Variants in ANO3 observed in about 807,000 individuals in gnomAD.
ANO3 encodes anoctamin 3.
A neutral mutation model predicts 144.8 loss-of-function variants in ANO3; 99 were observed. The observed-to-expected ratio is 0.68, with a 90% CI of 0.58 to 0.81. The LOEUF (loss-of-function observed/expected upper bound fraction) is 0.81, where lower values mean the gene tolerates loss of function less well. Among genes scored for constraint, ANO3 ranks in the 30% least tolerant of loss-of-function variants. ANO3 has a pLI of 0.00. For synonymous variants in ANO3, 414 were observed against 392.6 expected, an observed-to-expected ratio of 1.05 and a Z score of -0.64; for missense variants, 905 against 1,202.2, an observed-to-expected ratio of 0.75 and a Z score of 3.66.
chr11:26,231,344 T>C (rs1244299649), intron 1 of ANO3, among the ~76,000 whole-genome samples: 2 of 152,172 alleles, frequency 1.3e-5, no homozygotes, highest in East Asian at 1.9e-4. Context: ...GTGAGAACTA[T>C]ACTTAAATGA....
chr11:26,426,958 AAGC>A (rs1857938003), intron 1 of ANO3: 1 of 152,278 alleles, frequency 6.6e-6, no homozygotes, highest in Non-Finnish European at 1.5e-5. Context: ...CCTTGAAGTA[AAGC>A]AGTCTGTGTA....
intron 1 of ANO3, among the ~76,000 whole-genome samples, chr11:26,254,593 T>C (rs1853012564): frequency 6.6e-6 from 1 of 152,200 alleles, no homozygotes; most frequent in Non-Finnish European, 1.5e-5. Context: ...AGAATTCCAC[T>C]ACGCTTATGC....
chr11:26,392,915 G>A (rs1243868547), intron 1 of ANO3, among the ~76,000 whole-genome samples: 1 of 152,062 alleles, frequency 6.6e-6, no homozygotes, highest in African/African-American at 2.4e-5. Flanking sequence ...AATGGTACTT[G>A]GGTAAATGGA....
chr11:26,253,079 C>T (rs12225305), intron 1 of ANO3, among the ~76,000 whole-genome samples: 2,782 of 152,262 alleles, frequency 0.018, 68 homozygotes, highest in East Asian at 0.12. Context: ...ACAATAATGA[C>T]TGCCATGTCC....
At chr11:26,413,387 G>GAA (rs1857484940) in intron 1 of ANO3, among the ~76,000 whole-genome samples, 1 of 151,922 alleles carries the variant, frequency 6.6e-6, no homozygotes, top group African/African-American at 2.4e-5. Flanking sequence ...TGAAGGTAAG[G>GAA]ATGCCATGCA....
intron 1 of ANO3, among the ~76,000 whole-genome samples, chr11:26,266,360 C>T (rs545415793): frequency 5.9e-5 from 9 of 151,822 alleles, no homozygotes; most frequent in African/African-American, 1.9e-4. Context: ...ATATGGCAAA[C>T]GATCCATGTA....
chr11:26,189,319 C>T, exon 1 of ANO3: 5 of 985,300 alleles, frequency 5.1e-6, no homozygotes, highest in Non-Finnish European at 6.0e-6. Flanking sequence ...CACTCCAGTT[C>T]TGTCCCGACT....
rs200454730 is a variant in ANO3, at chr11:26,656,105, A to T, written c.2577-20A>T. 1.9e-6 allele frequency: 3 copies of T among 1,571,972 alleles called. No individual in the cohort carries two copies. The highest frequency in any genetic ancestry group is 2.2e-5 in the East Asian group (1 of 44,648). On this transcript the variant is annotated intron_variant, in intron 24 of 26. Coordinates refer to ENST00000256737, the MANE Select transcript of ANO3 (RefSeq NM_031418.4). ...AACGTATGAATCTTTGAATCACATGATATTTTTCTTTTCTCCCAGTTGCTT... is the reference window on the plus strand; with the variant it reads ...AACGTATGAATCTTTGAATCACATGTTATTTTTCTTTTCTCCCAGTTGCTT...
At chr11:26,466,923 CA>C (rs1208904203) in intron 4 of ANO3, among the ~76,000 whole-genome samples, 1 of 151,958 alleles carries the variant, frequency 6.6e-6, no homozygotes, top group Non-Finnish European at 1.5e-5. Flanking sequence ...AGCATATTCA[CA>C]GCATGCATTT....
chr11:26,384,386 C>T (rs1363542288), intron 1 of ANO3, among the ~76,000 whole-genome samples: 3 of 152,080 alleles, frequency 2.0e-5, no homozygotes, highest in African/African-American at 7.2e-5. Flanking sequence ...GCTGACAGTA[C>T]ATGGAGAAGT....
intron 4 of ANO3, among the ~76,000 whole-genome samples, chr11:26,465,140 GTGTGTGTGTGTGTGTGTGTGTC>G (rs1274235017): frequency 1.3e-5 from 2 of 148,514 alleles, no homozygotes; most frequent in African/African-American, 2.6e-5. Flanking sequence ...GTGTGTGTGT[GTGTGTGTGTGTGTGTGTGTGTC>G]TGTGTGTGAA....
At chr11:26,222,364 C>G (rs1270509762) in intron 1 of ANO3, among the ~76,000 whole-genome samples, 1 of 152,218 alleles carries the variant, frequency 6.6e-6, no homozygotes, top group East Asian at 1.9e-4. Flanking sequence ...CAGGGTGCAG[C>G]CCCCATGGAT....
intron 1 of ANO3, among the ~76,000 whole-genome samples, chr11:26,264,957 G>T (rs189740952): frequency 2.6e-4 from 39 of 151,794 alleles, no homozygotes; most frequent in African/African-American, 9.4e-4. Flanking sequence ...TACAGTAAAT[G>T]AATTTTCTTT....
Position 26,599,700 on chromosome 11 carries a change from A to G in ANO3, c.1822A>G (p.Met608Val). 1 of 1,613,886 alleles carries G rather than the reference A, an allele frequency of 6.2e-7. No homozygotes were observed. The highest frequency in any genetic ancestry group is 8.5e-7 in the Non-Finnish European group (1 of 1,179,892). Residue 608 changes from methionine to valine, a missense_variant, in exon 17 of 27, where the codon ATG (methionine) becomes GTG (valine). Coordinates refer to ENST00000256737, the MANE Select transcript of ANO3 (RefSeq NM_031418.4). ...TGTCTGTATCAATTTCATAATCATT[A>G]TGTTGCTGAATCTTGTAAGTGTCTA... ...AAVCINFIII[M>V]LLNLAYEKIA... is the part of the protein sequence containing the mutation.
chr11:26,360,183 GC>G (rs1024651192), intron 1 of ANO3, among the ~76,000 whole-genome samples: 4 of 53,314 alleles, frequency 7.5e-5, no homozygotes, highest in Non-Finnish European at 1.0e-4. Context: ...CAACCCCCCC[GC>G]CCTTTTTTTT....
chr11:26,642,174 A>T, intron 22 of ANO3, 145 bp downstream of exon 22: 4 of 812,728 alleles, frequency 4.9e-6, no homozygotes, highest in Non-Finnish European at 5.6e-6. Flanking sequence ...CATCTCAAGG[A>T]GCTAGAGATA....
At chr11:26,302,621 G>GA (rs1477696307) in intron 1 of ANO3, among the ~76,000 whole-genome samples, 1 of 151,114 alleles carries the variant, frequency 6.6e-6, no homozygotes, top group Non-Finnish European at 1.5e-5. Flanking sequence ...TACCATTATA[G>GA]AAAAAATATA....
intron 21 of ANO3, among the ~76,000 whole-genome samples, 199 bp from the exon 22 acceptor site, chr11:26,641,697 T>A (rs570837510): frequency 2.6e-5 from 4 of 152,254 alleles, no homozygotes; most frequent in Admixed American, 2.6e-4. Context: ...TTCAAAAGAT[T>A]TAAAAAAAAT....
At chr11:26,605,844 C>G (rs1275524778) in intron 17 of ANO3, among the ~76,000 whole-genome samples, 1 of 151,190 alleles carries the variant, frequency 6.6e-6, no homozygotes, top group African/African-American at 2.4e-5. Flanking sequence ...CTTTATTAGT[C>G]TGGCTAGCAG....
Sources: gnomAD v4.1 joint callset for allele counts (sites outside exome capture counted in the v4.1 genomes callset) on GRCh38, gnomAD v4.1.1 for gene constraint, MANE v1.5 for transcripts, NCBI Gene and HGNC (gene_info 2026-07-23, HGNC 2026-07-21) for gene names.